Variants in CNTNAP3 observed in about 807,000 individuals in gnomAD.
CNTNAP3 encodes the protein contactin-associated protein-like 3.
A neutral mutation model predicts 92.1 loss-of-function variants in CNTNAP3; 36 were observed. That is an observed-to-expected ratio of 0.39 (90% CI 0.30 to 0.52). CNTNAP3 has a LOEUF of 0.52. Among genes scored for constraint, CNTNAP3 ranks in the 20% least tolerant of loss-of-function variants. The pLI, the probability that CNTNAP3 is intolerant of heterozygous loss-of-function variation, is 0.76. For missense variants in CNTNAP3, 534 were observed against 1,069.6 expected (o/e 0.50, Z 6.98); for synonymous variants, 232 against 422.3 (o/e 0.55, Z 5.53).
chr9:39,080,987 A>G (rs905799111), intron 21 of CNTNAP3, among the ~76,000 whole-genome samples: 5 of 142,064 alleles, frequency 3.5e-5, no homozygotes, highest in African/African-American at 1.0e-4. Flanking sequence ...AAAACCCTGA[A>G]TAAAAACCTT....
chr9:39,111,344 T>C (rs2778195), intron 14 of CNTNAP3, among the ~76,000 whole-genome samples: 2 of 152,184 alleles, frequency 1.3e-5, no homozygotes, highest in African/African-American at 4.8e-5. Flanking sequence ...AACTTTCAAA[T>C]TGGAAAATAT....
chr9:39,157,465 G>A (rs562016972), intron 9 of CNTNAP3, among the ~76,000 whole-genome samples: 12 of 104,088 alleles, frequency 1.2e-4, no homozygotes, highest in Non-Finnish European at 2.1e-4. Flanking sequence ...TCAGCCTCCT[G>A]AGAAGCTGGG....
At chr9:39,086,473 T>C in intron 20 of CNTNAP3, 2 of 510,816 alleles carry the variant, frequency 3.9e-6, no homozygotes, top group Non-Finnish European at 6.6e-6. Flanking sequence ...ATATTTTAAA[T>C]AGTAAAATAT....
chr9:39,085,132 A>G (rs1285102772), intron 21 of CNTNAP3: 2 of 138,466 alleles, frequency 1.4e-5, no homozygotes, highest in African/African-American at 6.1e-5. Context: ...ATTAAATGTA[A>G]AGCTAACTGT....
intron 15 of CNTNAP3, among the ~76,000 whole-genome samples, chr9:39,107,100 C>A (rs1826622547): frequency 6.6e-6 from 1 of 151,928 alleles, no homozygotes; most frequent in Non-Finnish European, 1.5e-5. Context: ...CAACTCCATT[C>A]CATATAAATG....
At position 39,108,867 on chromosome 9, in the gene CNTNAP3, T is replaced by C. The variant is rs189011653; in HGVS notation, c.2365+293A>G. On this transcript the variant is annotated intron_variant, in intron 15 of 23. Coordinates refer to ENST00000297668, the MANE Select transcript of CNTNAP3 (RefSeq NM_033655.5). ...TAAATATCCCTTAGAATTCAGAAAATAGTTCATCTCATGATTGTTCTGGAA... is the reference window on the plus strand; with the variant it reads ...TAAATATCCCTTAGAATTCAGAAAACAGTTCATCTCATGATTGTTCTGGAA... Among the ~76,000 whole-genome samples the C allele has an allele frequency of 2.1e-3, 315 of 152,194 alleles. 2 individuals carry two copies. Among genetic ancestry groups the C allele is most frequent in the Non-Finnish European group, 4.0e-4 (27 of 68,002 alleles).
chr9:39,136,160 T>TAATAATAAA (rs989573403), intron 12 of CNTNAP3, among the ~76,000 whole-genome samples: 1 of 134,810 alleles, frequency 7.4e-6, no homozygotes, highest in African/African-American at 2.9e-5. Context: ...ATAATAATAA[T>TAATAATAAA]AATAAAAATA....
intron 18 of CNTNAP3, among the ~76,000 whole-genome samples, chr9:39,091,712 C>T (rs548729420): frequency 4.6e-4 from 70 of 151,658 alleles, no homozygotes; most frequent in Non-Finnish European, 7.7e-4. Context: ...AAATACTGAC[C>T]TTACAGAATA....
At chr9:39,137,896 G>T (rs1190426211) in intron 12 of CNTNAP3, among the ~76,000 whole-genome samples, 2 of 151,800 alleles carry the variant, frequency 1.3e-5, no homozygotes, top group Admixed American at 6.6e-5. Flanking sequence ...GTCTTTCTCT[G>T]TTGCCCAGGC....
At chr9:39,104,592 A>G (rs892011989) in intron 15 of CNTNAP3, among the ~76,000 whole-genome samples, 1 of 151,712 alleles carries the variant, frequency 6.6e-6, no homozygotes, top group Admixed American at 6.6e-5. Context: ...TCTGTCCAAA[A>G]CCCATCACAG....
At chr9:39,114,055 C>CATATAT in intron 14 of CNTNAP3, among the ~76,000 whole-genome samples, 1 of 144,554 alleles carries the variant, frequency 6.9e-6, no homozygotes, top group African/African-American at 2.7e-5. Context: ...CACACACACA[C>CATATAT]ATATATATAT....
At chr9:39,080,660 C>CTTTTT (rs774669701) in intron 21 of CNTNAP3, among the ~76,000 whole-genome samples, 3 of 91,080 alleles carry the variant, frequency 3.3e-5, no homozygotes, top group African/African-American at 4.0e-5. Context: ...TAGGGCAGAC[C>CTTTTT]TTTTTTTTTT....
At chr9:39,089,662 C>T (rs1213804817) in intron 18 of CNTNAP3, among the ~76,000 whole-genome samples, 3 of 152,192 alleles carry the variant, frequency 2.0e-5, no homozygotes, top group East Asian at 3.9e-4. Flanking sequence ...AATAGCTATA[C>T]CATTTTACAT....
chr9:39,073,727 C>T lies in CNTNAP3; in HGVS notation c.*163G>A, dbSNP rs1362260479. The T allele has an allele frequency of 1.6e-5, 25 of 1,557,850 alleles. No individual in the cohort carries two copies. The East Asian group carries it at 3.8e-4, about 24-fold the overall frequency. ...AGGCTCCGAGGCTGCAGGTCTTCAGCCAGGTGACAGCACTGCACCTGCTTG... is the reference window on the plus strand; with the variant it reads ...AGGCTCCGAGGCTGCAGGTCTTCAGTCAGGTGACAGCACTGCACCTGCTTG... On this transcript the variant is annotated 3_prime_UTR_variant, in exon 24 of 24. Transcript: ENST00000297668.
At chr9:39,114,672 A>C (rs1820812440) in intron 14 of CNTNAP3, among the ~76,000 whole-genome samples, 1 of 152,136 alleles carries the variant, frequency 6.6e-6, no homozygotes, top group Admixed American at 6.5e-5. Flanking sequence ...TCTGGTTTTT[A>C]AATGAACAGA....
chr9:39,087,552 T>C (rs1462620182), intron 19 of CNTNAP3, among the ~76,000 whole-genome samples: 1 of 152,056 alleles, frequency 6.6e-6, no homozygotes, highest in Non-Finnish European at 1.5e-5. Flanking sequence ...AGTGGCGCGA[T>C]CTGGGCTCAC....
At position 39,086,859 on chromosome 9, in the gene CNTNAP3, A is replaced by G. The variant is rs1826073760; in HGVS notation, c.3221-10T>C. The G allele has an allele frequency of 6.3e-7, 1 of 1,590,864 alleles. No individual in the cohort carries two copies. ...CTAATCTGCAAACTTCCTAAAAAGA[A>G]AAATAAATGGCATTTAAAATTAAAG... On this transcript the variant is annotated splice_polypyrimidine_tract_variant and intron_variant, in intron 19 of 23. Transcript: ENST00000297668.
intron 17 of CNTNAP3, among the ~76,000 whole-genome samples, chr9:39,100,951 G>A (rs931334118): frequency 1.3e-5 from 2 of 150,584 alleles, no homozygotes; most frequent in Non-Finnish European, 3.0e-5. Context: ...TAAGGTGGGG[G>A]CCCCAAATCT....
intron 12 of CNTNAP3, 122 bp downstream of exon 12, chr9:39,140,397 A>G: frequency 7.1e-7 from 1 of 1,409,864 alleles, no homozygotes; most frequent in Non-Finnish European, 9.4e-7. Flanking sequence ...TAATAAATAT[A>G]TATTTAATGC....
Sources: gnomAD v4.1 joint callset for allele counts (sites outside exome capture counted in the v4.1 genomes callset) on GRCh38, gnomAD v4.1.1 for gene constraint, MANE v1.5 for transcripts, NCBI Gene and HGNC (gene_info 2026-07-23, HGNC 2026-07-21) for gene names.